The following HNF4A variants were observed in gnomAD, a reference collection of about 807,000 sequenced individuals.
The protein encoded by HNF4A is hepatocyte nuclear factor 4-alpha.
A neutral mutation model predicts 52.4 loss-of-function variants in HNF4A; 15 were observed. The observed-to-expected ratio is 0.29, with a 90% CI of 0.19 to 0.44. The LOEUF (loss-of-function observed/expected upper bound fraction) is 0.44, where lower values mean the gene tolerates loss of function less well. Ranked by LOEUF, HNF4A falls within the 20% of genes least tolerant of loss-of-function variation. HNF4A has a pLI of 1.00. For synonymous variants in HNF4A, 280 were observed against 264.4 expected, an observed-to-expected ratio of 1.06 and a Z score of -0.57; for missense variants, 479 against 647.2, an observed-to-expected ratio of 0.74 and a Z score of 2.82.
chr20:44,400,466 CTCGGAGAGGAGAA>C (rs2063393026), upstream of HNF4A, among the ~76,000 whole-genome samples: 3 of 152,122 alleles, frequency 2.0e-5, no homozygotes, highest in South Asian at 6.2e-4. Flanking sequence ...GAAACTGAGG[CTCGGAGAGGAGAA>C]TCATTTACCC....
rs774250260 is a variant in HNF4A at position 44,424,073 on chromosome 20, G to C, written c.948G>C (p.Gln316His). ...TCAAGCGGCTGCGTTCCCAGGTGCA[G>C]GTGAGCTTGGAGGACTACATCAACG... The change falls in exon 8 of 10, where the codon CAG (glutamine) becomes CAC (histidine). Residue 316 changes from glutamine (Q) to histidine (H), a missense_variant. Coordinates refer to ENST00000316099, the MANE Select transcript of HNF4A (RefSeq NM_000457.6). 7 of 1,613,236 alleles carry C rather than the reference G, an allele frequency of 4.3e-6. No homozygotes were observed. The highest frequency in any genetic ancestry group is 2.5e-6 in the Non-Finnish European group (3 of 1,180,034).
chr20:44,371,968 T>G (rs944179025), intron 1 of HNF4A, among the ~76,000 whole-genome samples: 2 of 152,240 alleles, frequency 1.3e-5, no homozygotes, highest in Non-Finnish European at 2.9e-5. Flanking sequence ...CCACTATTCC[T>G]TAGTGTCCCC....
intron 1 of HNF4A, among the ~76,000 whole-genome samples, chr20:44,373,567 G>A (rs146352314): frequency 6.6e-6 from 1 of 152,200 alleles, no homozygotes; most frequent in Non-Finnish European, 1.5e-5. Context: ...TTAACTGGGG[G>A]AGGAGAAATA....
intron 7 of HNF4A, among the ~76,000 whole-genome samples, chr20:44,422,127 C>T (rs2063754765): frequency 6.6e-6 from 1 of 151,966 alleles, no homozygotes; most frequent in Non-Finnish European, 1.5e-5. Context: ...AACTTCAGAC[C>T]ACCTGTCAAT....
intron 7 of HNF4A, among the ~76,000 whole-genome samples, chr20:44,421,668 C>G (rs542077284): frequency 7.9e-5 from 12 of 151,618 alleles, no homozygotes; most frequent in Non-Finnish European, 1.6e-4. Context: ...GCAGGAGAAT[C>G]GCTTGAACCT....
intron 1 of HNF4A, among the ~76,000 whole-genome samples, chr20:44,387,133 T>G (rs1180117938): frequency 1.3e-5 from 2 of 151,252 alleles, no homozygotes; most frequent in African/African-American, 4.9e-5. Flanking sequence ...CGAAACCCCG[T>G]CTCTACTAAA....
intron 3 of HNF4A, among the ~76,000 whole-genome samples, chr20:44,409,593 T>C (rs2063551938): frequency 6.6e-6 from 1 of 152,202 alleles, no homozygotes; most frequent in African/African-American, 2.4e-5. Context: ...CCACCTCCAC[T>C]GCGTGTGGCC....
chr20:44,389,421 C>T (rs770495083), intron 1 of HNF4A, among the ~76,000 whole-genome samples: 1 of 152,182 alleles, frequency 6.6e-6, no homozygotes, highest in African/African-American at 2.4e-5. Context: ...AAGCAGGTCC[C>T]ATGCATTATT....
intron 1 of HNF4A, among the ~76,000 whole-genome samples, chr20:44,390,978 A>C (rs2063295721): frequency 6.6e-6 from 1 of 152,186 alleles, no homozygotes; most frequent in African/African-American, 2.4e-5. Flanking sequence ...AGGCACGGAG[A>C]GGGAAAATGA....
intron 1 of HNF4A, among the ~76,000 whole-genome samples, chr20:44,368,285 G>C (rs1057112113): frequency 4.0e-5 from 6 of 148,180 alleles, no homozygotes; most frequent in African/African-American, 1.5e-4. Context: ...TCGTGCCTCA[G>C]CTTCCTGAGT....
chr20:44,373,999 C>T (rs1430028204), intron 1 of HNF4A, among the ~76,000 whole-genome samples: 2 of 152,016 alleles, frequency 1.3e-5, no homozygotes, highest in African/African-American at 4.8e-5. Flanking sequence ...CTTAATTAAA[C>T]TTTTATTTTA....
intron 9 of HNF4A, among the ~76,000 whole-genome samples, chr20:44,429,024 A>G (rs1046907968): frequency 1.3e-5 from 2 of 152,252 alleles, no homozygotes; most frequent in South Asian, 2.1e-4. Context: ...CCATTGAACA[A>G]AGATGGCCAA....
intron 1 of HNF4A, among the ~76,000 whole-genome samples, chr20:44,374,739 C>T (rs2063067871): frequency 6.6e-6 from 1 of 152,242 alleles, no homozygotes; most frequent in Admixed American, 6.5e-5. Context: ...GCTAGGATTA[C>T]AGGCGTGAGC....
chr20:44,358,109 G>A (rs1014621138), intron 1 of HNF4A, among the ~76,000 whole-genome samples: 2 of 146,344 alleles, frequency 1.4e-5, no homozygotes, highest in African/African-American at 2.6e-5. Context: ...ACCTGGGTTA[G>A]CATCCTAGAT....
chr20:44,417,149 C>A (rs2063676600), intron 5 of HNF4A, among the ~76,000 whole-genome samples: 1 of 104,124 alleles, frequency 9.6e-6, no homozygotes, highest in African/African-American at 3.4e-5. Flanking sequence ...AATTAATGAA[C>A]AAACAAAGGA....
intron 8 of HNF4A, chr20:44,424,614 G>T: frequency 2.8e-6 from 4 of 1,409,726 alleles, no homozygotes; most frequent in Non-Finnish European, 3.7e-6. Flanking sequence ...CACATTTTAT[G>T]ATTTTGAAAT....
chr20:44,429,520 C>T lies in HNF4A; in HGVS notation c.1283-3C>T, dbSNP rs892409109. On this transcript the variant is annotated splice_region_variant and splice_polypyrimidine_tract_variant and intron_variant, in intron 9 of 9. Coordinates refer to ENST00000316099, the MANE Select transcript of HNF4A (RefSeq NM_000457.6). Reference sequence around the variant, plus strand: ...GCCCCTGTCTGTCTGTTTGTCCTTCCAGCCACCCCTGAGACCCCACAGCCC... The same window carrying T: ...GCCCCTGTCTGTCTGTTTGTCCTTCTAGCCACCCCTGAGACCCCACAGCCC... 2.5e-6 allele frequency: 4 copies of T among 1,613,984 alleles called. No homozygotes were observed. Among genetic ancestry groups the T allele is most frequent in the Middle Eastern group, 1.6e-4 (1 of 6,084 alleles).
chr20:44,415,383 C>T (rs2063649112), intron 5 of HNF4A, among the ~76,000 whole-genome samples: 1 of 152,140 alleles, frequency 6.6e-6, no homozygotes, highest in Admixed American at 6.5e-5. Context: ...TCATATTTCC[C>T]ACCGTACATT....
chr20:44,381,277 A>AG (rs1171511641), intron 1 of HNF4A, among the ~76,000 whole-genome samples: 1,724 of 125,410 alleles, frequency 0.014, 38 homozygotes, highest in African/African-American at 0.051. Context: ...AATCAGTGAG[A>AG]GCTTTTTTTT....
Sources: allele counts gnomAD v4.1 joint callset (sites outside exome capture counted in the v4.1 genomes callset), GRCh38; gene constraint gnomAD v4.1.1; transcripts MANE v1.5; gene names NCBI Gene and HGNC (gene_info 2026-07-23, HGNC 2026-07-21).